The following SV2C variants were observed in gnomAD, a reference collection of about 807,000 sequenced individuals.
SV2C encodes synaptic vesicle glycoprotein 2C.
Under a neutral mutation model 79.7 loss-of-function variants are expected in SV2C, and 49 were observed. That is an observed-to-expected ratio of 0.61 (90% confidence interval 0.49 to 0.78). The LOEUF (loss-of-function observed/expected upper bound fraction) is 0.78. Ranked by LOEUF, SV2C falls within the 30% of genes least tolerant of loss-of-function variation. SV2C has a pLI of 0.00. For missense variants in SV2C, 833 were observed against 912.9 expected (o/e 0.91, Z 1.13); for synonymous variants, 334 against 333.2 (o/e 1.00, Z -0.03).
At chr5:76,154,177 G>A (rs536395602) in intron 2 of SV2C, among the ~76,000 whole-genome samples, 3 of 152,318 alleles carry the variant, frequency 2.0e-5, no homozygotes, top group African/African-American at 7.2e-5. Context: ...CTACCAGAAA[G>A]CCAAGTGACT....
At chr5:75,884,744 A>C in the SV2C span, among the ~76,000 whole-genome samples, 1 of 152,164 alleles carries the variant, frequency 6.6e-6, no homozygotes, top group Non-Finnish European at 1.5e-5. Context: ...ACATGCACCG[A>C]AACATCACAC....
chr5:76,180,539 C>A (rs67657625), intron 2 of SV2C, among the ~76,000 whole-genome samples: 1 of 152,178 alleles, frequency 6.6e-6, no homozygotes, highest in African/African-American at 2.4e-5. Flanking sequence ...CCTGTGCTGA[C>A]GCATTTGTTC....
At chr5:76,114,665 T>C (rs1748206576) in intron 1 of SV2C, among the ~76,000 whole-genome samples, 1 of 152,218 alleles carries the variant, frequency 6.6e-6, no homozygotes, top group Non-Finnish European at 1.5e-5. Flanking sequence ...GAGCTTTCTT[T>C]TGTGGGCTAA....
At chr5:76,025,360 T>G in the SV2C span, among the ~76,000 whole-genome samples, 1 of 152,092 alleles carries the variant, frequency 6.6e-6, no homozygotes, top group Non-Finnish European at 1.5e-5. Context: ...CTAGTCTGAA[T>G]AAGACAGCCA....
chr5:76,322,072 G>A (rs1748846282), intron 12 of SV2C, among the ~76,000 whole-genome samples: 1 of 152,088 alleles, frequency 6.6e-6, no homozygotes, highest in Admixed American at 6.6e-5. Context: ...GAAAGATGAG[G>A]GATATAACCT....
At chr5:76,123,105 G>A (rs375891126) in intron 1 of SV2C, among the ~76,000 whole-genome samples, 448 of 152,246 alleles carry the variant, frequency 2.9e-3, no homozygotes, top group East Asian at 8.7e-3. Context: ...ACACCTCTAC[G>A]CAAATAATCT....
chr5:75,956,187 A>G, the SV2C span, among the ~76,000 whole-genome samples: 19 of 144,150 alleles, frequency 1.3e-4, no homozygotes, highest in African/African-American at 4.3e-4. Context: ...AAAATGTGGC[A>G]CATATACACC....
At chr5:75,878,443 A>G in the SV2C span, among the ~76,000 whole-genome samples, 4 of 152,288 alleles carry the variant, frequency 2.6e-5, no homozygotes, top group Admixed American at 2.0e-4. Context: ...TATACTGTGT[A>G]GTAAAAGACT....
chr5:76,186,799 G>C (rs1743933825), intron 2 of SV2C, among the ~76,000 whole-genome samples: 1 of 151,802 alleles, frequency 6.6e-6, no homozygotes, highest in South Asian at 2.1e-4. Flanking sequence ...GACAGCAGGA[G>C]AATGAGCACT....
the SV2C span, chr5:75,911,819 C>A: frequency 1.8e-5 from 10 of 570,470 alleles, no homozygotes; most frequent in East Asian, 4.6e-4. Context: ...AGCAACCTCA[C>A]AGCACCTGAA....
intron 8 of SV2C, among the ~76,000 whole-genome samples, chr5:76,295,504 G>A (rs185491657): frequency 5.3e-5 from 8 of 152,262 alleles, no homozygotes; most frequent in Admixed American, 2.0e-4. Context: ...GCATAGGATC[G>A]GATGCTTTCT....
intron 2 of SV2C, among the ~76,000 whole-genome samples, chr5:76,164,721 A>AGTATGTGTGTGTGT (rs1742996097): frequency 2.1e-5 from 3 of 141,794 alleles, no homozygotes; most frequent in African/African-American, 8.0e-5. Context: ...GATGGAACTC[A>AGTATGTGTGTGTGT]GTGTGTGTGT....
intron 12 of SV2C, among the ~76,000 whole-genome samples, chr5:76,321,232 C>G (rs1032345454): frequency 6.6e-6 from 1 of 151,790 alleles, no homozygotes; most frequent in Non-Finnish European, 1.5e-5. Context: ...ATTTACAAAT[C>G]AAACAAAGAA....
chr5:75,938,715 C>T, the SV2C span, among the ~76,000 whole-genome samples: 2,771 of 152,140 alleles, frequency 0.018, 69 homozygotes, highest in African/African-American at 0.06. Context: ...TCTGGTAACA[C>T]GTATATTTTT....
At chr5:76,166,275 A>G (rs115905735) in intron 2 of SV2C, among the ~76,000 whole-genome samples, 67 of 152,290 alleles carry the variant, frequency 4.4e-4, no homozygotes, top group African/African-American at 1.6e-3. Flanking sequence ...GGAACCTGTG[A>G]TCTGGCTCAA....
At chr5:76,068,680 A>G in the SV2C span, among the ~76,000 whole-genome samples, 2 of 152,318 alleles carry the variant, frequency 1.3e-5, no homozygotes, top group East Asian at 3.9e-4. Context: ...TTATTTATTT[A>G]TAACTTAAAA....
chr5:76,079,943 GTGT>G (rs1226466975), upstream of SV2C, among the ~76,000 whole-genome samples: 1 of 151,220 alleles, frequency 6.6e-6, no homozygotes, highest in East Asian at 1.9e-4. Flanking sequence ...TGAGCTTAGG[GTGT>G]TTTTTTTTTT....
chr5:75,958,087 C>T, the SV2C span, among the ~76,000 whole-genome samples: 1 of 151,986 alleles, frequency 6.6e-6, no homozygotes, highest in Non-Finnish European at 1.5e-5. Flanking sequence ...TGACACAGTG[C>T]AGAATCTCTG....
At chr5:75,998,254 A>G in the SV2C span, among the ~76,000 whole-genome samples, 1 of 152,144 alleles carries the variant, frequency 6.6e-6, no homozygotes, top group East Asian at 1.9e-4. Flanking sequence ...TGACGAGTTA[A>G]TGGGTGTAGC....
Sources: gnomAD v4.1 joint callset for allele counts (sites outside exome capture counted in the v4.1 genomes callset) on GRCh38, gnomAD v4.1.1 for gene constraint, MANE v1.5 for transcripts, NCBI Gene and HGNC (gene_info 2026-07-23, HGNC 2026-07-21) for gene names.